The following SLC4A7 variants were observed in gnomAD, a reference collection of about 807,000 sequenced individuals.
The protein encoded by SLC4A7 is sodium bicarbonate cotransporter 3.
In SLC4A7, 51 loss-of-function variants were observed where a neutral mutation model predicts 137.6. The ratio of observed to expected loss-of-function variants is 0.37; its 90% CI spans 0.30 to 0.47. SLC4A7 has a LOEUF of 0.47. SLC4A7 is among the 20% of genes least tolerant of loss of function. The pLI, the probability that SLC4A7 is intolerant of heterozygous loss-of-function variation, is 1.00. For synonymous variants in SLC4A7, 542 were observed against 518.6 expected (o/e 1.05, Z -0.61); for missense variants, 1,247 against 1,525.4 (o/e 0.82, Z 3.04).
intron 3 of SLC4A7, among the ~76,000 whole-genome samples, chr3:27,438,410 C>T (rs1269301275): frequency 5.9e-5 from 9 of 152,054 alleles, no homozygotes; most frequent in Non-Finnish European, 1.5e-5. Context: ...GAGGCTGAGG[C>T]AGGAGAATCG....
intron 16 of SLC4A7, among the ~76,000 whole-genome samples, chr3:27,399,442 A>G (rs2052532875): frequency 6.6e-6 from 1 of 151,914 alleles, no homozygotes; most frequent in South Asian, 2.1e-4. Context: ...TTTTTCTTTT[A>G]TTTGTTTTTA....
chr3:27,429,720 A>G (rs2056068956), intron 7 of SLC4A7, among the ~76,000 whole-genome samples: 1 of 151,890 alleles, frequency 6.6e-6, no homozygotes, highest in South Asian at 2.1e-4. Flanking sequence ...TGGTAGTGGC[A>G]CGCGCCGTAA....
intron 3 of SLC4A7, among the ~76,000 whole-genome samples, chr3:27,445,700 T>G (rs2150488082): frequency 6.7e-6 from 1 of 148,882 alleles, no homozygotes; most frequent in South Asian, 2.1e-4. Context: ...GGCAGATCAC[T>G]TGAGGTCAGG....
Position 27,383,007 on chromosome 3 carries a change from G to A in SLC4A7, c.3590+146C>T, listed in dbSNP as rs1328056163. ...GCAAGGGACTTCCTTTTCAAATTGT[G>A]TGAAGCCCTCCTTTAGTTGATACAC... is the stretch of plus-strand genomic sequence containing the variant. On this transcript the variant is annotated intron_variant, in intron 24 of 25. Coordinates refer to ENST00000454389, the MANE Select transcript of SLC4A7 (RefSeq NM_001321103.2). 6.7e-6 allele frequency: 4 copies of A among 601,264 alleles called. No individual in the cohort carries two copies. The African/African-American group carries it at 7.6e-5, about 11-fold the overall frequency. The allele number at this position is 601,264 out of a possible 1,614,324, so 37.2% of individuals were successfully genotyped here.
intron 13 of SLC4A7, among the ~76,000 whole-genome samples, chr3:27,408,603 A>G (rs2053609336): frequency 6.6e-6 from 1 of 152,210 alleles, no homozygotes; most frequent in South Asian, 2.1e-4. Context: ...CCAAGAATAA[A>G]TACAATTAAG....
At chr3:27,483,035 G>A (rs1444228660) in intron 1 of SLC4A7, among the ~76,000 whole-genome samples, 1 of 152,238 alleles carries the variant, frequency 6.6e-6, no homozygotes, top group African/African-American at 2.4e-5. Flanking sequence ...CATAGGAGAA[G>A]TAATTTTCCT....
chr3:27,449,241 A>G (rs2057898522), intron 2 of SLC4A7, among the ~76,000 whole-genome samples: 1 of 151,906 alleles, frequency 6.6e-6, no homozygotes, highest in Admixed American at 6.6e-5. Flanking sequence ...CCCATCTGAG[A>G]TCATACTATG....
At chr3:27,464,832 T>A (rs193043304) in intron 1 of SLC4A7, among the ~76,000 whole-genome samples, 42 of 152,240 alleles carry the variant, frequency 2.8e-4, no homozygotes, top group Non-Finnish European at 5.4e-4. Context: ...TCGCGCCATT[T>A]GCAGTGGGGG....
rs888302344 is a variant in SLC4A7 at position 27,377,612 on chromosome 3, C to G, written c.3699-767G>C. ...TTCACCATGTTGGTCAGGCTGGTCTCGAACTCCTGACCTCAAATCATCCAC... is the reference window on the plus strand; with the variant it reads ...TTCACCATGTTGGTCAGGCTGGTCTGGAACTCCTGACCTCAAATCATCCAC... On this transcript the variant is annotated intron_variant, in intron 25 of 25. Transcript: ENST00000454389. Among the ~76,000 whole-genome samples, 33 of 152,216 alleles carry G rather than the reference C, an allele frequency of 2.2e-4. No individual in the cohort carries two copies. The East Asian group carries it at 5.0e-3, about 23-fold the overall frequency.
chr3:27,403,412 A>T lies in SLC4A7; in HGVS notation c.2076-28T>A, dbSNP rs367713220. 2.1e-5 allele frequency: 31 copies of T among 1,504,494 alleles called. No homozygotes were observed. The African/African-American group carries it at 4.3e-4, about 21-fold the overall frequency. The allele number at this position is 1,504,494 out of a possible 1,614,324, so 93.2% of individuals were successfully genotyped here. On this transcript the variant is annotated intron_variant, in intron 14 of 25. Coordinates refer to ENST00000454389, the MANE Select transcript of SLC4A7 (RefSeq NM_001321103.2). ...GTTTAGAAAGAAAAATATGAATATGATAAACATATGTGGAATAGTATTTGT... is the reference window on the plus strand; with the variant it reads ...GTTTAGAAAGAAAAATATGAATATGTTAAACATATGTGGAATAGTATTTGT...
At chr3:27,400,593 G>A (rs1410483009) in intron 16 of SLC4A7, among the ~76,000 whole-genome samples, 171 bp downstream of exon 16, 4 of 151,926 alleles carry the variant, frequency 2.6e-5, no homozygotes, top group South Asian at 2.1e-4. Context: ...CTACACTTTC[G>A]AGCGCATGAT....
intron 3 of SLC4A7, among the ~76,000 whole-genome samples, chr3:27,445,649 G>A (rs13087781): frequency 0.016 from 2,416 of 151,184 alleles, 35 homozygotes; most frequent in Non-Finnish European, 0.021. Flanking sequence ...TGGGCGCAGC[G>A]GCTCACACCT....
intron 7 of SLC4A7, among the ~76,000 whole-genome samples, chr3:27,430,754 C>G (rs764467333): frequency 4.0e-5 from 6 of 151,818 alleles, no homozygotes; most frequent in Non-Finnish European, 7.4e-5. Context: ...ATCACTTGAA[C>G]CCAGGGAGCA....
At chr3:27,380,151 A>G (rs959233861) in intron 24 of SLC4A7, among the ~76,000 whole-genome samples, 1 of 152,100 alleles carries the variant, frequency 6.6e-6, no homozygotes, top group Non-Finnish European at 1.5e-5. Context: ...TGCTAAAAAT[A>G]TAAAAATTAG....
intron 2 of SLC4A7, among the ~76,000 whole-genome samples, chr3:27,449,160 A>T (rs2057892175): frequency 6.6e-6 from 1 of 151,964 alleles, no homozygotes; most frequent in Non-Finnish European, 1.5e-5. Flanking sequence ...TCAGCCTCCC[A>T]AAGTGCTGGG....
At chr3:27,398,891 A>C (rs749886676) in intron 16 of SLC4A7, among the ~76,000 whole-genome samples, 6 of 152,210 alleles carry the variant, frequency 3.9e-5, no homozygotes, top group Non-Finnish European at 5.9e-5. Flanking sequence ...CTAAAAGCAC[A>C]GGGACCATAA....
At chr3:27,403,757 T>C (rs920217217) in intron 14 of SLC4A7, among the ~76,000 whole-genome samples, 9 of 152,102 alleles carry the variant, frequency 5.9e-5, no homozygotes, top group African/African-American at 2.2e-4. Context: ...AATTGCATCT[T>C]ACTCCCTCTA....
At chr3:27,462,974 C>G (rs2058775873) in intron 1 of SLC4A7, among the ~76,000 whole-genome samples, 1 of 152,132 alleles carries the variant, frequency 6.6e-6, no homozygotes, top group African/African-American at 2.4e-5. Context: ...AAGTCCCATG[C>G]AACAGATGTC....
At chr3:27,382,471 T>C (rs2050521291) in intron 24 of SLC4A7, among the ~76,000 whole-genome samples, 1 of 152,098 alleles carries the variant, frequency 6.6e-6, no homozygotes, top group Non-Finnish European at 1.5e-5. Context: ...GAAATAGAAA[T>C]CAGGTGTGTA....
Sources: allele counts gnomAD v4.1 joint callset (sites outside exome capture counted in the v4.1 genomes callset), GRCh38; gene constraint gnomAD v4.1.1; transcripts MANE v1.5; gene names NCBI Gene and HGNC (gene_info 2026-07-23, HGNC 2026-07-21).